LPP: variants seen among roughly 807,000 people sequenced by gnomAD.
LPP encodes LIM domain containing preferred translocation partner in lipoma.
A neutral mutation model predicts 60.4 loss-of-function variants in LPP; 38 were observed. The ratio of observed to expected loss-of-function variants is 0.63; its 90% confidence interval spans 0.49 to 0.83. The LOEUF is 0.83. Ranked by LOEUF, LPP falls within the 40% of genes least tolerant of loss-of-function variation. The probability of loss-of-function intolerance (pLI) is 0.00; values close to 1 mark genes in which losing one functional copy is unlikely to be tolerated. For missense variants in LPP, 902 were observed against 783.6 expected (o/e 1.15, Z -1.80); for synonymous variants, 328 against 290.8 (o/e 1.13, Z -1.30).
chr3:188,801,550 T>C (rs1747279457), intron 9 of LPP, among the ~76,000 whole-genome samples: 1 of 152,200 alleles, frequency 6.6e-6, no homozygotes, highest in South Asian at 2.1e-4. Context: ...AGCAAGAATC[T>C]GCTGCCCACA....
intron 6 of LPP, among the ~76,000 whole-genome samples, chr3:188,608,700 G>A (rs79745333): frequency 2.6e-5 from 4 of 152,074 alleles, no homozygotes; most frequent in Non-Finnish European, 5.9e-5. Flanking sequence ...TTCTATGTAT[G>A]TAAAACTTCA....
chr3:188,156,046 A>G (rs2148649836), intron 1 of LPP, among the ~76,000 whole-genome samples: 1 of 152,230 alleles, frequency 6.6e-6, no homozygotes, highest in African/African-American at 2.4e-5. Context: ...CAACAAACAA[A>G]GGAGAGTGTG....
At chr3:188,189,180 A>T (rs1727438900) in intron 1 of LPP, among the ~76,000 whole-genome samples, 1 of 152,168 alleles carries the variant, frequency 6.6e-6, no homozygotes, top group Admixed American at 6.5e-5. Context: ...CAACCACCTC[A>T]GGCTCAGTTT....
At chr3:188,583,939 T>G (rs1836838115) in intron 6 of LPP, among the ~76,000 whole-genome samples, 1 of 152,180 alleles carries the variant, frequency 6.6e-6, no homozygotes, top group Admixed American at 6.5e-5. Context: ...CACAAAGTTC[T>G]GTGTTTCTCA....
chr3:188,803,236 A>G (rs1164950854), intron 9 of LPP, among the ~76,000 whole-genome samples: 1 of 151,776 alleles, frequency 6.6e-6, no homozygotes, highest in Non-Finnish European at 1.5e-5. Flanking sequence ...CTAGAGATGG[A>G]GTTTTGCCCT....
At chr3:188,538,090 G>T (rs935512956) in intron 6 of LPP, among the ~76,000 whole-genome samples, 1 of 152,154 alleles carries the variant, frequency 6.6e-6, no homozygotes, top group African/African-American at 2.4e-5. Context: ...CAAATGTAAA[G>T]GATAAAACTA....
At chr3:188,412,079 C>T (rs1173210067) in intron 4 of LPP, among the ~76,000 whole-genome samples, 2 of 151,860 alleles carry the variant, frequency 1.3e-5, no homozygotes, top group African/African-American at 4.8e-5. Context: ...GTAAAGTTCA[C>T]GTTTGTGAAG....
At chr3:188,772,814 G>T (rs958033413) in intron 9 of LPP, among the ~76,000 whole-genome samples, 2 of 151,938 alleles carry the variant, frequency 1.3e-5, no homozygotes, top group African/African-American at 2.4e-5. Context: ...TAGTGAGGGG[G>T]ATTTGGGGGG....
intron 9 of LPP, among the ~76,000 whole-genome samples, chr3:188,853,483 G>A (rs1328317027): frequency 6.6e-6 from 1 of 152,166 alleles, no homozygotes; most frequent in Non-Finnish European, 1.5e-5. Context: ...TCAAGGCAGG[G>A]GCAACAGCAG....
At chr3:188,312,387 T>C (rs1243001520) in intron 2 of LPP, among the ~76,000 whole-genome samples, 1 of 152,244 alleles carries the variant, frequency 6.6e-6, no homozygotes, top group East Asian at 1.9e-4. Flanking sequence ...GAAAATTAAC[T>C]TGTAGTCTGT....
intron 7 of LPP, among the ~76,000 whole-genome samples, chr3:188,636,713 G>C (rs1366148074): frequency 6.6e-6 from 1 of 152,028 alleles, no homozygotes; most frequent in Non-Finnish European, 1.5e-5. Flanking sequence ...GGAGATCTGA[G>C]AATGGGCAGA....
At chr3:188,509,873 G>GTTTTTTTTTTTTTTTT (rs35389820) in intron 5 of LPP, among the ~76,000 whole-genome samples, 2 of 111,042 alleles carry the variant, frequency 1.8e-5, no homozygotes, top group Non-Finnish European at 3.4e-5. Flanking sequence ...TTTTTTTGTT[G>GTTTTTTTTTTTTTTTT]TTTTTTTTTT....
intron 3 of LPP, among the ~76,000 whole-genome samples, chr3:188,398,780 A>G (rs1781557560): frequency 6.6e-6 from 1 of 152,236 alleles, no homozygotes; most frequent in Non-Finnish European, 1.5e-5. Context: ...CCCCGTTTGG[A>G]AAAGGTTTGC....
intron 7 of LPP, among the ~76,000 whole-genome samples, chr3:188,634,799 T>C (rs1848437371): frequency 6.6e-6 from 1 of 152,210 alleles, no homozygotes; most frequent in African/African-American, 2.4e-5. Context: ...TGGTGAGTTG[T>C]ATAATTACTT....
chr3:188,546,567 A>C lies in LPP; in HGVS notation c.429+21780A>C, dbSNP rs544861505. 4.6e-5 allele frequency among the ~76,000 whole-genome samples: 7 copies of C among 152,290 alleles called. No individual in the cohort carries two copies. In the South Asian group the frequency reaches 1.0e-3, roughly 23 times the overall value. ...TATTGGCCTTAATGATTTTGCCTTT[A>C]ATTTAATAAGACATATGGGAGTCTA... is the stretch of plus-strand genomic sequence containing the variant. On this transcript the variant is annotated intron_variant, in intron 6 of 11. Coordinates refer to ENST00000617246, the MANE Select transcript of LPP (RefSeq NM_001375462.1).
intron 8 of LPP, among the ~76,000 whole-genome samples, chr3:188,734,436 A>G (rs1422479806): frequency 6.6e-6 from 1 of 152,216 alleles, no homozygotes; most frequent in East Asian, 1.9e-4. Context: ...AGCTGGGAAC[A>G]CTAAATACCC....
chr3:188,305,985 CTAACTTTTCACT>C (rs1751403275), intron 2 of LPP, among the ~76,000 whole-genome samples: 1 of 152,198 alleles, frequency 6.6e-6, no homozygotes, highest in Non-Finnish European at 1.5e-5. Flanking sequence ...GTTTCTGTAC[CTAACTTTTCACT>C]TATTGTATAT....
intron 2 of LPP, among the ~76,000 whole-genome samples, chr3:188,275,758 C>T (rs945909712): frequency 7.9e-5 from 12 of 152,164 alleles, no homozygotes; most frequent in African/African-American, 2.7e-4. Context: ...TCACTGCAAC[C>T]TCCACTTCCC....
chr3:188,185,048 A>C (rs1021110902), intron 1 of LPP, among the ~76,000 whole-genome samples: 1 of 152,140 alleles, frequency 6.6e-6, no homozygotes, highest in Non-Finnish European at 1.5e-5. Context: ...GAACTGTGAT[A>C]CGTGTTTGCA....
Sources: gnomAD v4.1 joint callset for allele counts (sites outside exome capture counted in the v4.1 genomes callset) on GRCh38, gnomAD v4.1.1 for gene constraint, MANE v1.5 for transcripts, NCBI Gene and HGNC (gene_info 2026-07-23, HGNC 2026-07-21) for gene names.